The following NCALD variants were observed in gnomAD, a reference collection of about 807,000 sequenced individuals.
The protein encoded by NCALD is neurocalcin-delta.
A neutral mutation model predicts 18.6 loss-of-function variants in NCALD; 10 were observed. The ratio of observed to expected loss-of-function variants is 0.54; its 90% CI spans 0.33 to 0.91. The LOEUF (loss-of-function observed/expected upper bound fraction) is 0.91, where lower values mean the gene tolerates loss of function less well. Ranked by LOEUF, NCALD falls within the 40% of genes least tolerant of loss-of-function variation. The pLI, the probability that NCALD is intolerant of heterozygous loss-of-function variation, is 0.03. For missense variants in NCALD, 184 were observed against 247.6 expected (o/e 0.74, Z 1.72); for synonymous variants, 88 against 87.4 (o/e 1.01, Z -0.04).
At chr8:101,832,651 AT>A (rs1006724557) in intron 4 of NCALD, among the ~76,000 whole-genome samples, 6 of 152,182 alleles carry the variant, frequency 3.9e-5, no homozygotes, top group Admixed American at 2.6e-4. Context: ...GGTTATATTT[AT>A]TTTTTTAAGC....
chr8:101,840,408 T>C (rs1001642586), intron 4 of NCALD, among the ~76,000 whole-genome samples: 1 of 151,364 alleles, frequency 6.6e-6, no homozygotes, highest in Admixed American at 6.6e-5. Flanking sequence ...TTGTAATATA[T>C]AGCCTGAAAA....
At chr8:101,891,019 A>G (rs73280871) in intron 3 of NCALD, among the ~76,000 whole-genome samples, 15,654 of 152,266 alleles carry the variant, frequency 0.1, 1,948 homozygotes, top group African/African-American at 0.3. Flanking sequence ...TTAGAAACAT[A>G]ATGAATGAAA....
At chr8:102,103,490 A>T (rs1007414112) in intron 1 of NCALD, among the ~76,000 whole-genome samples, 1 of 152,212 alleles carries the variant, frequency 6.6e-6, no homozygotes, top group Non-Finnish European at 1.5e-5. Context: ...AGACACCACC[A>T]GGATTCAAAC....
intron 2 of NCALD, among the ~76,000 whole-genome samples, chr8:101,964,876 A>C (rs1819964649): frequency 6.6e-6 from 1 of 152,176 alleles, no homozygotes; most frequent in South Asian, 2.1e-4. Flanking sequence ...ACACCAAAGG[A>C]AGAATGACTC....
At chr8:101,861,480 A>G (rs1472457517) in intron 4 of NCALD, among the ~76,000 whole-genome samples, 1 of 152,160 alleles carries the variant, frequency 6.6e-6, no homozygotes, top group East Asian at 1.9e-4. Context: ...CAAAGACCTC[A>G]TGAGAAACCT....
At chr8:102,016,451 C>G (rs1822087046) in intron 2 of NCALD, among the ~76,000 whole-genome samples, 1 of 152,172 alleles carries the variant, frequency 6.6e-6, no homozygotes, top group African/African-American at 2.4e-5. Context: ...CGAGCACAAA[C>G]ATGAAGAAAG....
At chr8:101,721,069 T>G (rs1239342779) in intron 1 of NCALD, 1 of 152,164 alleles carries the variant, frequency 6.6e-6, no homozygotes, top group Non-Finnish European at 1.5e-5. Context: ...TATACGAGAT[T>G]AGTTCCTAAT....
chr8:102,115,675 C>T (rs1442049465), intron 1 of NCALD, among the ~76,000 whole-genome samples: 1 of 152,206 alleles, frequency 6.6e-6, no homozygotes, highest in Non-Finnish European at 1.5e-5. Context: ...ATGGCATTCA[C>T]AAACAATATT....
intron 2 of NCALD, among the ~76,000 whole-genome samples, chr8:101,921,036 C>A (rs1818146675): frequency 6.6e-6 from 1 of 152,140 alleles, no homozygotes; most frequent in Non-Finnish European, 1.5e-5. Flanking sequence ...TGCGAAAGGA[C>A]TAACTCAGCA....
chr8:102,006,078 G>C (rs1352001005), intron 2 of NCALD, among the ~76,000 whole-genome samples: 1 of 151,682 alleles, frequency 6.6e-6, no homozygotes, highest in East Asian at 1.9e-4. Flanking sequence ...AAAAAGCACT[G>C]TTTTATCCAA....
At chr8:102,045,240 A>G (rs1296022215) in intron 1 of NCALD, among the ~76,000 whole-genome samples, 1 of 152,144 alleles carries the variant, frequency 6.6e-6, no homozygotes, top group Non-Finnish European at 1.5e-5. Flanking sequence ...AGGGTCTTAA[A>G]GTATAACATG....
intron 2 of NCALD, among the ~76,000 whole-genome samples, chr8:102,017,898 A>T (rs1822143351): frequency 6.6e-6 from 1 of 152,230 alleles, no homozygotes; most frequent in African/African-American, 2.4e-5. Flanking sequence ...TTAGCTACAT[A>T]TCATTAAGAC....
chr8:102,069,074 G>A (rs2132286756), intron 1 of NCALD, among the ~76,000 whole-genome samples: 1 of 152,262 alleles, frequency 6.6e-6, no homozygotes, highest in African/African-American at 2.4e-5. Context: ...TCCAAAGGGT[G>A]CAAAGTTTCA....
chr8:101,803,294 G>T (rs1368767666), intron 4 of NCALD, among the ~76,000 whole-genome samples: 1 of 152,100 alleles, frequency 6.6e-6, no homozygotes, highest in Non-Finnish European at 1.5e-5. Context: ...TTACAGCATG[G>T]GTTACTATGT....
rs769717799 is a variant in NCALD at position 101,689,362 on chromosome 8, G to C, written c.529C>G (p.Pro177Ala). Residue 177 changes from proline (P) to alanine (A), a missense_variant, in exon 4 of 4, where the codon CCG (proline) becomes GCG (alanine). Coordinates refer to ENST00000220931, the MANE Select transcript of NCALD (RefSeq NM_032041.3). This position sits in a 1 kb window ranked among gnomAD's most constrained non-coding sequence, Gnocchi z 4.4. ...EEFIRGAKSD[P>A]SIVRLLQCDP... is the part of the protein sequence containing the mutation. ...CACTGCAGGAGGCGCACAATGGACG[G>C]GTCGCTTTTGGCTCCTCGGATGAAC... 2 of 1,612,994 alleles carry C rather than the reference G, an allele frequency of 1.2e-6. No homozygotes were observed. Among genetic ancestry groups the C allele is most frequent in the East Asian group, 4.5e-5 (2 of 44,836 alleles).
At chr8:101,840,961 G>A (rs548693883) in intron 4 of NCALD, among the ~76,000 whole-genome samples, 2 of 152,090 alleles carry the variant, frequency 1.3e-5, no homozygotes, top group Non-Finnish European at 2.9e-5. Context: ...ATATTAAAAA[G>A]CTTTAATTTA....
intron 4 of NCALD, among the ~76,000 whole-genome samples, chr8:101,833,207 G>A (rs143995665): frequency 4.6e-4 from 70 of 152,232 alleles, no homozygotes; most frequent in Middle Eastern, 6.8e-3. Flanking sequence ...ATCACCTCGG[G>A]ATCTTGGTAA....
chr8:102,053,008 G>T lies in NCALD; in HGVS notation c.-209-32719C>A, dbSNP rs534202949. Among the ~76,000 whole-genome samples the T allele has an allele frequency of 2.6e-5, 4 of 152,318 alleles. No individual in the cohort carries two copies. The East Asian group carries it at 7.7e-4, about 29-fold the overall frequency. Reference sequence around the variant, plus strand: ...TGGGCCAGACTGAGCCCACAGGCCAGAGTTTGCCCTAAAAGAAATCTCAAA... The same window carrying T: ...TGGGCCAGACTGAGCCCACAGGCCATAGTTTGCCCTAAAAGAAATCTCAAA... On this transcript the variant is annotated intron_variant, in intron 1 of 6. Transcript: ENST00000311028.
At chr8:101,900,547 T>C (rs1277085851) in intron 3 of NCALD, among the ~76,000 whole-genome samples, 1 of 151,974 alleles carries the variant, frequency 6.6e-6, no homozygotes, top group Admixed American at 6.5e-5. Context: ...ATTTTGATGT[T>C]GTATTTTCAT....
Sources: gnomAD v4.1 joint callset for allele counts (sites outside exome capture counted in the v4.1 genomes callset) on GRCh38, gnomAD v4.1.1 for gene constraint, Gnocchi (gnomAD v3.1) non-coding constraint, MANE v1.5 for transcripts, NCBI Gene and HGNC (gene_info 2026-07-23, HGNC 2026-07-21) for gene names.